Variants in TARS3 observed in about 807,000 individuals in gnomAD.
TARS3 encodes the protein threonyl-tRNA synthetase 3.
In TARS3, 94 loss-of-function variants were observed where a neutral mutation model predicts 103.5. The observed-to-expected ratio is 0.91, with a 90% confidence interval of 0.77 to 1.08. The LOEUF (loss-of-function observed/expected upper bound fraction) is 1.08. TARS3 is among the 50% of genes least tolerant of loss of function. The pLI is 0.00. For synonymous variants in TARS3, 416 were observed against 355.4 expected, an observed-to-expected ratio of 1.17 and a Z score of -1.92; for missense variants, 952 against 995.2, an observed-to-expected ratio of 0.96 and a Z score of 0.58.
chr15:101,655,941 TTC>T (rs1170234372), intron 18 of TARS3: 5 of 1,289,122 alleles, frequency 3.9e-6, no homozygotes, highest in Non-Finnish European at 5.1e-6. Context: ...AAAAAGTTTG[TTC>T]TCTCTAGTGA....
At chr15:101,699,286 T>C (rs1404980922) in intron 10 of TARS3, 1 of 379,484 alleles carries the variant, frequency 2.6e-6, no homozygotes, top group East Asian at 8.2e-5. Context: ...CTGTCAAATA[T>C]TCCCATTCCA....
chr15:101,695,309 CA>C (rs1392809827), intron 10 of TARS3, among the ~76,000 whole-genome samples: 1 of 152,136 alleles, frequency 6.6e-6, no homozygotes, highest in Non-Finnish European at 1.5e-5. Flanking sequence ...ATCTTTCTGT[CA>C]CTATAGTTTT....
intron 3 of TARS3, 84 bp downstream of exon 3, chr15:101,721,042 T>C (rs964149402): frequency 6.9e-6 from 8 of 1,155,236 alleles, no homozygotes; most frequent in Non-Finnish European, 1.0e-5. Context: ...TGGAGTAATA[T>C]ATTAGCGGTC....
intron 3 of TARS3, among the ~76,000 whole-genome samples, chr15:101,718,142 G>A (rs1480190126): frequency 6.6e-6 from 1 of 152,190 alleles, no homozygotes; most frequent in Non-Finnish European, 1.5e-5. Context: ...GCTGCTGTGG[G>A]CAGACCACCT....
chr15:101,708,532 T>C (rs2141440263), intron 6 of TARS3, among the ~76,000 whole-genome samples: 1 of 152,252 alleles, frequency 6.6e-6, no homozygotes, highest in Non-Finnish European at 1.5e-5. Flanking sequence ...TTCACAATAC[T>C]CAGAATTAAT....
At chr15:101,680,983 G>T (rs545152399) in intron 12 of TARS3, among the ~76,000 whole-genome samples, 1 of 152,048 alleles carries the variant, frequency 6.6e-6, no homozygotes, top group African/African-American at 2.4e-5. Context: ...TATGGTATGA[G>T]GTATGAATCC....
At chr15:101,658,705 C>G (rs753958310) in intron 16 of TARS3, among the ~76,000 whole-genome samples, 6 of 152,160 alleles carry the variant, frequency 3.9e-5, no homozygotes, top group Non-Finnish European at 8.8e-5. Context: ...GTCTCAATGT[C>G]TAGTTCTTGG....
At chr15:101,721,020 G>C in intron 3 of TARS3, 106 bp downstream of exon 3, 1 of 903,908 alleles carries the variant, frequency 1.1e-6, no homozygotes, top group East Asian at 2.4e-5. Context: ...TGTCCTTTTA[G>C]TATCGTGAGA....
At chr15:101,668,465 A>G (rs1897667826) in intron 15 of TARS3, among the ~76,000 whole-genome samples, 1 of 152,176 alleles carries the variant, frequency 6.6e-6, no homozygotes, top group East Asian at 1.9e-4. Flanking sequence ...TAAGAGTAAT[A>G]TCAAATATCA....
chr15:101,706,294 G>A (rs1214432577), intron 6 of TARS3, among the ~76,000 whole-genome samples: 1 of 152,022 alleles, frequency 6.6e-6, no homozygotes, highest in Non-Finnish European at 1.5e-5. Flanking sequence ...GGCCTCAAAT[G>A]CCACTAATTT....
chr15:101,699,806 G>C (rs1262721708), intron 10 of TARS3, among the ~76,000 whole-genome samples: 1 of 152,162 alleles, frequency 6.6e-6, no homozygotes, highest in Non-Finnish European at 1.5e-5. Flanking sequence ...AGAATAACCA[G>C]TGCAGGCCAC....
intron 18 of TARS3, among the ~76,000 whole-genome samples, chr15:101,654,989 C>T (rs1431500765): frequency 6.6e-6 from 1 of 152,170 alleles, no homozygotes; most frequent in African/African-American, 2.4e-5. Flanking sequence ...CTTACAGACT[C>T]ACACTGACTG....
chr15:101,715,210 G>A (rs938619385), intron 3 of TARS3, among the ~76,000 whole-genome samples: 3 of 150,050 alleles, frequency 2.0e-5, no homozygotes, highest in Non-Finnish European at 3.0e-5. Context: ...GCAGTGGCGG[G>A]ATCTCGGCTC....
At chr15:101,671,822 C>A in intron 13 of TARS3, 74 bp from the exon 14 acceptor site, 1 of 1,201,728 alleles carries the variant, frequency 8.3e-7, no homozygotes, top group Non-Finnish European at 1.2e-6. Flanking sequence ...ACAAAAGTTA[C>A]TATAACTCTT....
rs1041033293 is a variant in TARS3, at chr15:101,705,595, G to A, written c.995+88C>T. 2.6e-5 allele frequency: 28 copies of A among 1,058,044 alleles called. No individual in the cohort carries two copies. The African/African-American group carries it at 2.7e-4, about 10-fold the overall frequency. 65.5% of individuals were successfully genotyped at this position (1,058,044 alleles called of 1,614,324 possible). On this transcript the variant is annotated intron_variant, in intron 7 of 18. Transcript: ENST00000335968. ...TATCAACTACACAACTTGAAAAATC[G>A]ATCTCCAACCAGAAAACAAACTCGG...
chr15:101,710,322 T>C (rs190239372), intron 5 of TARS3, among the ~76,000 whole-genome samples: 1 of 152,304 alleles, frequency 6.6e-6, no homozygotes, highest in Admixed American at 6.5e-5. Flanking sequence ...GTAAGGTAAG[T>C]AAAGTGCCTT....
Position 101,708,805 on chromosome 15 carries a change from C to T in TARS3, c.918G>A (p.Leu306=). Residue 306 remains leucine, a synonymous_variant, in exon 6 of 19, where the codon CTG becomes CTA. Coordinates refer to ENST00000335968, the MANE Select transcript of TARS3 (RefSeq NM_152334.3). ...ERLEVSKEIL[L]EMFKYNKFKC... ...TTCCCCAAGTTACCTTAAACATTTC[C>T]AGGAGGATTTCCTTGCTGACTTCTA... 1.2e-6 allele frequency: 2 copies of T among 1,610,564 alleles called. No homozygotes were observed. Among genetic ancestry groups the T allele is most frequent in the Non-Finnish European group, 1.7e-6 (2 of 1,176,858 alleles).
At chr15:101,704,414 GGAGGCC>G (rs1360184077) in intron 7 of TARS3, among the ~76,000 whole-genome samples, 1 of 152,158 alleles carries the variant, frequency 6.6e-6, no homozygotes, top group Admixed American at 6.5e-5. Flanking sequence ...CAGCACTTTG[GGAGGCC>G]GAGGCGGGTG....
rs1436661072 is a variant in TARS3, at chr15:101,708,710, A to C, written c.930+83T>G. 3.2e-6 allele frequency: 3 copies of C among 933,928 alleles called. No homozygotes were observed. The Admixed American group carries it at 5.5e-5, about 17-fold the overall frequency. 57.9% of individuals were successfully genotyped at this position (933,928 alleles called of 1,614,324 possible). A position where few individuals can be genotyped will look rare whatever the true frequency, so the allele number is the denominator to read the frequency against. On this transcript the variant is annotated intron_variant, in intron 6 of 18. Transcript: ENST00000335968. ...GGAATAATTTGGTGAGCAACAGGTAATTATTTGGGGGAAGGTGGGGAAGCT... is the reference window on the plus strand; with the variant it reads ...GGAATAATTTGGTGAGCAACAGGTACTTATTTGGGGGAAGGTGGGGAAGCT...
Sources: allele counts gnomAD v4.1 joint callset (sites outside exome capture counted in the v4.1 genomes callset), GRCh38; gene constraint gnomAD v4.1.1; transcripts MANE v1.5; gene names NCBI Gene and HGNC (gene_info 2026-07-23, HGNC 2026-07-21).